The following C4orf51 variants were observed in gnomAD, a reference collection of about 807,000 sequenced individuals.
C4orf51 encodes chromosome 4 open reading frame 51, also known as uncharacterized protein C4orf51.
C4orf51 carries 25 observed loss-of-function variants against 25.2 expected under a neutral mutation model. The ratio of observed to expected loss-of-function variants is 0.99; its 90% CI spans 0.72 to 1.39. C4orf51 has a LOEUF of 1.39. C4orf51 is among the 40% of genes most tolerant of loss of function. The probability of loss-of-function intolerance (pLI) is 0.00; values close to 1 mark genes in which losing one functional copy is unlikely to be tolerated. For missense variants in C4orf51, 252 were observed against 239.6 expected (o/e 1.05, Z -0.34); for synonymous variants, 100 against 84.5 (o/e 1.18, Z -1.01).
At position 145,729,197 on chromosome 4, in the gene C4orf51, G is replaced by A. The variant is rs755307241; in HGVS notation, c.395G>A (p.Cys132Tyr). 2 of 1,602,530 alleles carry A rather than the reference G, an allele frequency of 1.2e-6. No homozygotes were observed. Among genetic ancestry groups the A allele is most frequent in the Admixed American group, 3.4e-5 (2 of 59,348 alleles). ...CATCAAATTTGGGATTTTGGTGATT[G>A]TTTTCCGACACCTCCAAATTATGGA... ...VAHQIWDFGD[C>Y]FPTPPNYGKY... Residue 132 changes from cysteine to tyrosine, a missense_variant, in exon 4 of 6, where the codon TGT (cysteine) becomes TAT (tyrosine). Transcript: ENST00000438731.
the C4orf51 span, among the ~76,000 whole-genome samples, chr4:145,778,009 T>G: frequency 6.6e-6 from 1 of 152,156 alleles, no homozygotes; most frequent in Non-Finnish European, 1.5e-5. Context: ...AAACTCCACT[T>G]TTTTGAACAT....
rs1180230703 is a variant in C4orf51, at chr4:145,761,194, C to G, written n.167-9794C>G. The G allele has an allele frequency of 2.3e-6, 3 of 1,289,882 alleles. No individual in the cohort carries two copies. The highest frequency in any genetic ancestry group is 2.0e-6 in the Non-Finnish European group (2 of 988,886). The allele number at this position is 1,289,882 out of a possible 1,614,324, so 79.9% of individuals were successfully genotyped here. ...CTTGTCCTCCTCGGGGCAGTCCCCA[C>G]TCTGGTGCTTCTTGACGTGGCGGCT... On this transcript the variant is annotated intron_variant and non_coding_transcript_variant, in intron 1 of 1. Coordinates refer to the C4orf51 transcript ENST00000510096. The surrounding 1 kb of genome is among the most constrained non-coding windows in gnomAD (Gnocchi z 6.8).
the C4orf51 span, among the ~76,000 whole-genome samples, chr4:145,781,195 C>CAAAAAAAAAAAAAAAAAAAAAAAAA: frequency 2.8e-4 from 16 of 56,542 alleles, no homozygotes; most frequent in East Asian, 1.4e-3. Context: ...GACACCATCT[C>CAAAAAAAAAAAAAAAAAAAAAAAAA]AAAAAAAAAA....
At chr4:145,782,708 G>C in the C4orf51 span, among the ~76,000 whole-genome samples, 2 of 152,100 alleles carry the variant, frequency 1.3e-5, no homozygotes, top group African/African-American at 2.4e-5. Context: ...TATGGCAAAG[G>C]CTCCTCAAGG....
chr4:145,779,364 A>C, the C4orf51 span: 2 of 1,613,480 alleles, frequency 1.2e-6, no homozygotes, highest in Non-Finnish European at 8.5e-7. Flanking sequence ...CCCAGGCCCT[A>C]CTCACTCACC....
At chr4:145,730,653 A>G (rs1732406907) in intron 5 of C4orf51, among the ~76,000 whole-genome samples, 1 of 152,076 alleles carries the variant, frequency 6.6e-6, no homozygotes, top group Non-Finnish European at 1.5e-5. Context: ...ACTCATCCTA[A>G]GTAATTATGT....
intron 1 of C4orf51, among the ~76,000 whole-genome samples, chr4:145,681,016 G>A (rs530277655): frequency 6.6e-6 from 1 of 152,282 alleles, no homozygotes; most frequent in East Asian, 1.9e-4. Flanking sequence ...TGTCTGAAGA[G>A]AGCTCAGTAA....
intron 2 of C4orf51, among the ~76,000 whole-genome samples, chr4:145,714,476 ACTAT>A (rs1196037743): frequency 6.6e-6 from 1 of 152,194 alleles, no homozygotes; most frequent in Non-Finnish European, 1.5e-5. Context: ...CATATCTGCC[ACTAT>A]CTATCTTCTG....
At chr4:145,711,091 A>T (rs1731105393) in intron 2 of C4orf51, among the ~76,000 whole-genome samples, 1 of 152,174 alleles carries the variant, frequency 6.6e-6, no homozygotes, top group African/African-American at 2.4e-5. Flanking sequence ...ACATCAAGGC[A>T]CCAAAATGTC....
At chr4:145,690,233 C>T (rs942958126) in intron 1 of C4orf51, among the ~76,000 whole-genome samples, 9 of 151,726 alleles carry the variant, frequency 5.9e-5, no homozygotes, top group Admixed American at 1.3e-4. Context: ...AGGCTGGGCG[C>T]GGTGGCTAAC....
chr4:145,729,296 GA>G, intron 4 of C4orf51, 67 bp downstream of exon 4: 37 of 331,142 alleles, frequency 1.1e-4, no homozygotes, highest in Non-Finnish European at 1.5e-4. Flanking sequence ...GTGGTCATGT[GA>G]TTTTTTTTTT....
intron 4 of C4orf51, among the ~76,000 whole-genome samples, 173 bp downstream of exon 4, chr4:145,729,402 C>T (rs183044391): frequency 4.8e-4 from 70 of 146,132 alleles, no homozygotes; most frequent in African/African-American, 1.7e-3. Context: ...CCCACGTTCA[C>T]GCCATTCTCC....
chr4:145,690,979 G>A (rs935848029), intron 1 of C4orf51, among the ~76,000 whole-genome samples: 1 of 152,034 alleles, frequency 6.6e-6, no homozygotes, highest in Non-Finnish European at 1.5e-5. Flanking sequence ...CAGATGTGGG[G>A]GCATGTGTCT....
At position 145,718,339 on chromosome 4, in the gene C4orf51, G is replaced by A. The variant is rs139183530; in HGVS notation, c.308-8572G>A. ...CAGCTACCTGGAAATGCTTTTATGG[G>A]ATATGACATTTAACAAGGACGGCAG... On this transcript the variant is annotated intron_variant, in intron 2 of 5. Transcript: ENST00000438731. Among the ~76,000 whole-genome samples, 642 of 152,348 alleles carry A rather than the reference G, an allele frequency of 4.2e-3. 5 individuals are homozygous for A. The highest frequency in any genetic ancestry group is 0.015 in the African/African-American group (622 of 41,570).
intron 2 of C4orf51, among the ~76,000 whole-genome samples, chr4:145,720,321 G>A (rs2126746794): frequency 6.6e-6 from 1 of 152,192 alleles, no homozygotes; most frequent in South Asian, 2.1e-4. Context: ...CCTCTCCAAG[G>A]CCTCCTCTGT....
At chr4:145,776,968 T>C in the C4orf51 span, among the ~76,000 whole-genome samples, 1 of 152,348 alleles carries the variant, frequency 6.6e-6, no homozygotes, top group Non-Finnish European at 1.5e-5. Flanking sequence ...TTTGCTTTCA[T>C]CACACAGATA....
chr4:145,756,271 G>A (rs905238573), downstream of C4orf51, among the ~76,000 whole-genome samples: 1 of 152,234 alleles, frequency 6.6e-6, no homozygotes, highest in Non-Finnish European at 1.5e-5. Context: ...TCCATCAGCA[G>A]TGGACACATT....
intron 1 of C4orf51, chr4:145,760,977 G>C (rs1346797981): frequency 8.0e-7 from 1 of 1,246,588 alleles, no homozygotes; most frequent in Non-Finnish European, 1.0e-6. Context: ...AAGGGGAGCC[G>C]TTGAAGGCCA....
At chr4:145,774,755 T>A, downstream of C4orf51, 1 of 1,426,328 alleles carries the variant, frequency 7.0e-7, no homozygotes, top group Non-Finnish European at 9.6e-7. Flanking sequence ...TTATACACAG[T>A]ACACTCAAGA....
Sources: gnomAD v4.1 joint callset for allele counts (sites outside exome capture counted in the v4.1 genomes callset) on GRCh38, gnomAD v4.1.1 for gene constraint, Gnocchi (gnomAD v3.1) non-coding constraint, MANE v1.5 for transcripts, NCBI Gene and HGNC (gene_info 2026-07-23, HGNC 2026-07-21) for gene names.